GREM2: variants seen among roughly 807,000 people sequenced by gnomAD.
The protein encoded by GREM2 is gremlin-2.
In GREM2, 11 loss-of-function variants were observed where a neutral mutation model predicts 14.2. The observed-to-expected ratio is 0.78, with a 90% CI of 0.49 to 1.28. The LOEUF (loss-of-function observed/expected upper bound fraction) is 1.28. Ranked by LOEUF, GREM2 falls within the 50% of genes most tolerant of loss-of-function variation. The pLI is 0.00. For missense variants in GREM2, 210 were observed against 218.5 expected (o/e 0.96, Z 0.24); for synonymous variants, 98 against 97.6 (o/e 1.00, Z -0.02).
At chr1:240,547,414 C>G (rs925010595) in intron 1 of GREM2, among the ~76,000 whole-genome samples, 4 of 150,192 alleles carry the variant, frequency 2.7e-5, no homozygotes, top group African/African-American at 7.4e-5. Flanking sequence ...GCAGGAGAAT[C>G]GCTTGAACCC....
At chr1:240,493,505 T>C in intron 1 of GREM2, 29 bp from the exon 2 acceptor site, 1 of 1,570,800 alleles carries the variant, frequency 6.4e-7, no homozygotes, top group Non-Finnish European at 8.6e-7. Flanking sequence ...AGGGGCTGGC[T>C]GTGAAGGGCC....
chr1:240,562,956 G>A (rs200650467), intron 1 of GREM2, among the ~76,000 whole-genome samples: 8 of 133,046 alleles, frequency 6.0e-5, no homozygotes, highest in Admixed American at 5.7e-4. Context: ...GTGTGTATGT[G>A]TGTGAGTGTG....
At chr1:240,531,790 C>T (rs893030656) in intron 1 of GREM2, 40 of 574,768 alleles carry the variant, frequency 7.0e-5, no homozygotes, top group Non-Finnish European at 8.3e-5. Flanking sequence ...CTCACTGCAA[C>T]CTCCGCCTCC....
At position 240,540,503 on chromosome 1, in the gene GREM2, G is replaced by A. The variant is rs1678562302; in HGVS notation, c.-1-47027C>T. Among the ~76,000 whole-genome samples, 1 of 151,938 alleles carries A rather than the reference G, an allele frequency of 6.6e-6. No individual in the cohort carries two copies. The highest frequency in any genetic ancestry group is 6.5e-5 in the Admixed American group (1 of 15,268). On this transcript the variant is annotated intron_variant, in intron 1 of 1. Transcript: ENST00000318160. This position sits in a 1 kb window ranked among gnomAD's most constrained non-coding sequence, Gnocchi z 4.2. ...TGAGAGATTGTGTTCTAGTAAGACT[G>A]GAATCACTACCATTAACAGCAAAGA...
At chr1:240,562,957 TGTGAGTGTGTGTATGTGTGTATATGTAA>T (rs1358647617) in intron 1 of GREM2, among the ~76,000 whole-genome samples, 2 of 136,002 alleles carry the variant, frequency 1.5e-5, no homozygotes, top group African/African-American at 7.3e-5. Context: ...TGTGTATGTG[TGTGAGTGTGTGTATGTGTGTATATGTAA>T]GTGTGTATGT....
intron 1 of GREM2, among the ~76,000 whole-genome samples, chr1:240,545,663 G>A (rs1046749993): frequency 6.6e-5 from 10 of 152,158 alleles, no homozygotes; most frequent in African/African-American, 1.2e-4. Context: ...GGGAGACAGC[G>A]TCAGAACTGA....
At position 240,552,768 on chromosome 1, in the gene GREM2, C is replaced by T. The variant is rs10926297; in HGVS notation, c.-2+59116G>A. Reference sequence around the variant, plus strand: ...AATGTCCTTCTAACCGATTTTGGTGCGGGGATGCATCTTAGAAGATGCTGT... The same window carrying T: ...AATGTCCTTCTAACCGATTTTGGTGTGGGGATGCATCTTAGAAGATGCTGT... On this transcript the variant is annotated intron_variant, in intron 1 of 1. Coordinates refer to ENST00000318160, the MANE Select transcript of GREM2 (RefSeq NM_022469.4). 8.7e-3 allele frequency among the ~76,000 whole-genome samples: 1,321 copies of T among 152,226 alleles called. 36 individuals are homozygous for T. The highest frequency in any genetic ancestry group is 0.079 in the East Asian group (410 of 5,178).
chr1:240,611,649 G>A lies in GREM2; in HGVS notation c.-2+235C>T, dbSNP rs1680137631. Among the ~76,000 whole-genome samples the A allele has an allele frequency of 2.6e-5, 4 of 152,166 alleles. 1 individual carries two copies. The highest frequency in any genetic ancestry group is 2.0e-4 in the Admixed American group (3 of 15,274). On this transcript the variant is annotated intron_variant, in intron 1 of 1. Coordinates refer to ENST00000318160, the MANE Select transcript of GREM2 (RefSeq NM_022469.4). ...AGAAAGAAAGAGCGATCACGGTCAA[G>A]TTTGAAGGTCCTTATGTTACACCCA...
intron 1 of GREM2, among the ~76,000 whole-genome samples, chr1:240,560,694 T>C (rs1422968188): frequency 6.6e-6 from 1 of 152,138 alleles, no homozygotes; most frequent in Admixed American, 6.5e-5. Context: ...TTGCTTCCAA[T>C]CCTCTTTCCC....
chr1:240,506,937 C>G (rs190823792), intron 1 of GREM2, among the ~76,000 whole-genome samples: 349 of 152,226 alleles, frequency 2.3e-3, no homozygotes, highest in Non-Finnish European at 3.9e-3. Flanking sequence ...TGGGCTTTAG[C>G]GTGTTGAAGG....
At chr1:240,499,870 G>A (rs1268520012) in intron 1 of GREM2, among the ~76,000 whole-genome samples, 1 of 152,230 alleles carries the variant, frequency 6.6e-6, no homozygotes, top group Non-Finnish European at 1.5e-5. Context: ...GAGTGGTGGA[G>A]ACCTGAATAT....
At chr1:240,610,932 A>G (rs7547499) in intron 1 of GREM2, among the ~76,000 whole-genome samples, 3,614 of 152,274 alleles carry the variant, frequency 0.024, 132 homozygotes, top group African/African-American at 0.08. Flanking sequence ...TTTTCCCAGG[A>G]AAGACTGAAC....
chr1:240,513,765 CAA>C (rs909714401), intron 1 of GREM2, among the ~76,000 whole-genome samples: 1 of 152,002 alleles, frequency 6.6e-6, no homozygotes, highest in Non-Finnish European at 1.5e-5. Context: ...TTTAGAGTAG[CAA>C]AGTGACATCA....
At chr1:240,550,759 G>C (rs1232878121) in intron 1 of GREM2, among the ~76,000 whole-genome samples, 3 of 152,124 alleles carry the variant, frequency 2.0e-5, no homozygotes, top group Non-Finnish European at 4.4e-5. Flanking sequence ...AAATATTTTT[G>C]TTACAAGTTG....
Position 240,489,925 on chromosome 1 carries a change from T to G in GREM2, c.*3044A>C, listed in dbSNP as rs1327779764. ...TCCTAGGAAGTTGAGTTTAATTCCTTTGAAGCCTACACAGTGGATCAACCA... is the reference window on the plus strand; with the variant it reads ...TCCTAGGAAGTTGAGTTTAATTCCTGTGAAGCCTACACAGTGGATCAACCA... On this transcript the variant is annotated 3_prime_UTR_variant, in exon 2 of 2. Transcript: ENST00000318160. 1 of 152,230 alleles carries G rather than the reference T, an allele frequency of 6.6e-6. No homozygotes were observed. Among genetic ancestry groups the G allele is most frequent in the Non-Finnish European group, 1.5e-5 (1 of 68,028 alleles). The allele number at this position is 152,230 out of a possible 1,614,324, so 9.4% of individuals were successfully genotyped here.
chr1:240,493,382 A>T lies in GREM2; in HGVS notation c.94T>A (p.Ser32Thr). Reference protein sequence around the residue: ...RKNRPAGAIPSPYKDGSSNNS... With the variant: ...RKNRPAGAIPTPYKDGSSNNS... The stretch of plus-strand genomic sequence containing the variant: ...TTGCTGCTGCCGTCCTTGTAAGGCG[A>T]GGGGATGGCGCCCGCCGGCCGGTTC... The change falls in exon 2 of 2, where the codon TCG (serine) becomes ACG (threonine). Residue 32 changes from serine to threonine, a missense_variant. Transcript: ENST00000318160. 1 of 1,613,466 alleles carries T rather than the reference A, an allele frequency of 6.2e-7. No individual in the cohort carries two copies. The highest frequency in any genetic ancestry group is 8.5e-7 in the Non-Finnish European group (1 of 1,179,940).
intron 1 of GREM2, among the ~76,000 whole-genome samples, chr1:240,552,173 T>A (rs1678866044): frequency 6.6e-6 from 1 of 152,224 alleles, no homozygotes; most frequent in Admixed American, 6.5e-5. Context: ...CTGCCTTCAG[T>A]AATCAGCTAA....
At chr1:240,561,559 G>A (rs149123278) in intron 1 of GREM2, among the ~76,000 whole-genome samples, 2 of 152,230 alleles carry the variant, frequency 1.3e-5, no homozygotes, top group African/African-American at 2.4e-5. Flanking sequence ...GCTCTTTTAA[G>A]AATAATAAAA....
chr1:240,516,819 G>A (rs541910681), intron 1 of GREM2, among the ~76,000 whole-genome samples: 1 of 152,214 alleles, frequency 6.6e-6, no homozygotes, highest in East Asian at 1.9e-4. Context: ...TTTAATTTTT[G>A]TTACTACTGT....
Sources: gnomAD v4.1 joint callset for allele counts (sites outside exome capture counted in the v4.1 genomes callset) on GRCh38, gnomAD v4.1.1 for gene constraint, Gnocchi (gnomAD v3.1) non-coding constraint, MANE v1.5 for transcripts, NCBI Gene and HGNC (gene_info 2026-07-23, HGNC 2026-07-21) for gene names.